Variants in PCDH15 observed in about 807,000 individuals in gnomAD.
PCDH15 encodes protocadherin related 15, also known as protocadherin-15.
In PCDH15, 129 loss-of-function variants were observed where a neutral mutation model predicts 178.5. The ratio of observed to expected loss-of-function variants is 0.72; its 90% CI spans 0.63 to 0.84. The LOEUF (loss-of-function observed/expected upper bound fraction) is 0.84, where lower values mean the gene tolerates loss of function less well. Ranked by LOEUF, PCDH15 falls within the 40% of genes least tolerant of loss-of-function variation. The probability of loss-of-function intolerance (pLI) is 0.00; values close to 1 mark genes in which losing one functional copy is unlikely to be tolerated. For synonymous variants in PCDH15, 800 were observed against 732.0 expected (o/e 1.09, Z -1.50); for missense variants, 2,230 against 2,099.9 (o/e 1.06, Z -1.21).
At chr10:54,808,815 G>T (rs1394388666) in intron 3 of PCDH15, among the ~76,000 whole-genome samples, 1 of 152,058 alleles carries the variant, frequency 6.6e-6, no homozygotes, top group Non-Finnish European at 1.5e-5. Context: ...GGATAATTCT[G>T]CAGTTAATGG....
chr10:55,119,391 A>T (rs1456885953), intron 2 of PCDH15, among the ~76,000 whole-genome samples: 2 of 152,118 alleles, frequency 1.3e-5, no homozygotes, highest in Non-Finnish European at 2.9e-5. Flanking sequence ...ACTGACACAC[A>T]GAAAGGCCTA....
intron 1 of PCDH15, among the ~76,000 whole-genome samples, chr10:54,768,670 T>G (rs2133235246): frequency 6.6e-6 from 1 of 152,340 alleles, no homozygotes; most frequent in East Asian, 1.9e-4. Context: ...ATTCTCCTTT[T>G]GCTTCAGTTT....
At chr10:54,970,742 A>G (rs1266993510) in intron 2 of PCDH15, among the ~76,000 whole-genome samples, 1 of 152,030 alleles carries the variant, frequency 6.6e-6, no homozygotes, top group African/African-American at 2.4e-5. Flanking sequence ...TATCCACACT[A>G]CCTTTGCTAC....
At chr10:54,070,562 G>C (rs947975591) in intron 17 of PCDH15, among the ~76,000 whole-genome samples, 1 of 151,772 alleles carries the variant, frequency 6.6e-6, no homozygotes, top group Non-Finnish European at 1.5e-5. Context: ...CTGAAAGAAG[G>C]ATATTAATAT....
chr10:55,401,711 G>A (rs1414435211), intron 2 of PCDH15, among the ~76,000 whole-genome samples: 3 of 151,210 alleles, frequency 2.0e-5, no homozygotes, highest in Non-Finnish European at 4.4e-5. Flanking sequence ...TTAGGGGAAG[G>A]GAAGAAGACC....
intron 9 of PCDH15, among the ~76,000 whole-genome samples, chr10:54,219,112 A>C (rs1331301188): frequency 3.0e-4 from 44 of 145,858 alleles, no homozygotes; most frequent in African/African-American, 9.2e-4. Flanking sequence ...AAAAAACAAA[A>C]AAAAAACAAA....
At chr10:54,464,473 T>A (rs1348349530) in intron 3 of PCDH15, among the ~76,000 whole-genome samples, 1 of 152,152 alleles carries the variant, frequency 6.6e-6, no homozygotes, top group African/African-American at 2.4e-5. Context: ...TATATGCATT[T>A]TGGGGGAAAT....
chr10:54,194,917 C>T (rs1295817748), intron 11 of PCDH15, among the ~76,000 whole-genome samples: 1 of 152,122 alleles, frequency 6.6e-6, no homozygotes, highest in Non-Finnish European at 1.5e-5. Flanking sequence ...TTCATTCTCT[C>T]CCACTGATAA....
chr10:55,172,753 A>G (rs957755822), intron 1 of PCDH15, among the ~76,000 whole-genome samples: 8 of 152,022 alleles, frequency 5.3e-5, no homozygotes, highest in African/African-American at 1.9e-4. Context: ...AAAAAACTAA[A>G]AAGTGCCCAA....
chr10:54,939,214 G>C (rs2131861246), intron 2 of PCDH15, among the ~76,000 whole-genome samples: 1 of 151,996 alleles, frequency 6.6e-6, no homozygotes, highest in African/African-American at 2.4e-5. Flanking sequence ...AGTGATGTAG[G>C]CCGGGCGTGG....
intron 2 of PCDH15, among the ~76,000 whole-genome samples, chr10:54,981,609 T>G (rs1456854502): frequency 6.6e-6 from 1 of 152,092 alleles, no homozygotes; most frequent in African/African-American, 2.4e-5. Flanking sequence ...AACAAAAGGG[T>G]TTTTTTCTTT....
intron 2 of PCDH15, among the ~76,000 whole-genome samples, chr10:54,968,014 T>C (rs80034136): frequency 6.6e-6 from 1 of 152,268 alleles, no homozygotes; most frequent in African/African-American, 2.4e-5. Flanking sequence ...TCTAAGGTAT[T>C]GGGGGTTATA....
upstream of PCDH15, among the ~76,000 whole-genome samples, chr10:54,803,869 T>A (rs554164341): frequency 3.3e-5 from 5 of 152,310 alleles, no homozygotes; most frequent in Admixed American, 6.5e-5. Flanking sequence ...TATTAAAAAA[T>A]TTTAAAAGTC....
intron 1 of PCDH15, among the ~76,000 whole-genome samples, chr10:54,791,018 CAA>C (rs908549515): frequency 2.0e-5 from 3 of 151,834 alleles, no homozygotes; most frequent in African/African-American, 7.2e-5. Context: ...CAAAAATACT[CAA>C]AATACTCCTA....
intron 20 of PCDH15, among the ~76,000 whole-genome samples, chr10:54,016,164 A>G (rs1261492231): frequency 6.6e-6 from 1 of 152,154 alleles, no homozygotes; most frequent in Non-Finnish European, 1.5e-5. Context: ...AGGATATGAA[A>G]AAATGCTCAT....
chr10:55,244,411 T>C (rs1384587934), intron 1 of PCDH15, among the ~76,000 whole-genome samples: 1 of 152,066 alleles, frequency 6.6e-6, no homozygotes, highest in African/African-American at 2.4e-5. Context: ...GAACCAATGT[T>C]CCCCAGAATA....
At chr10:55,194,348 G>T (rs1352050813) in intron 1 of PCDH15, among the ~76,000 whole-genome samples, 1 of 151,870 alleles carries the variant, frequency 6.6e-6, no homozygotes, top group African/African-American at 2.4e-5. Context: ...GTCTCTTATT[G>T]TATACCAAGC....
At chr10:55,623,179 T>C (rs759164926) in intron 2 of PCDH15, among the ~76,000 whole-genome samples, 27 of 152,182 alleles carry the variant, frequency 1.8e-4, no homozygotes, top group South Asian at 2.1e-4. Flanking sequence ...AAGTTATTTC[T>C]TATTTGTACC....
chr10:54,494,632 C>T (rs2079937124), intron 3 of PCDH15, among the ~76,000 whole-genome samples: 1 of 152,102 alleles, frequency 6.6e-6, no homozygotes, highest in Admixed American at 6.6e-5. Flanking sequence ...ATAACCTTAC[C>T]TACTTCTCCC....
Sources: gnomAD v4.1 joint callset for allele counts (sites outside exome capture counted in the v4.1 genomes callset) on GRCh38, gnomAD v4.1.1 for gene constraint, MANE v1.5 for transcripts, NCBI Gene and HGNC (gene_info 2026-07-23, HGNC 2026-07-21) for gene names.